The following ANK1 variants were observed in gnomAD, a reference collection of about 807,000 sequenced individuals.
ANK1 encodes ankyrin-1.
ANK1 carries 51 observed loss-of-function variants against 210.4 expected under a neutral mutation model. The observed-to-expected ratio is 0.24, with a 90% CI of 0.19 to 0.31. The LOEUF (loss-of-function observed/expected upper bound fraction) is 0.31. ANK1 is among the 10% of genes least tolerant of loss of function. ANK1 has a pLI of 1.00. For synonymous variants in ANK1, 967 were observed against 1,025.9 expected (o/e 0.94, Z 1.10); for missense variants, 2,051 against 2,504.4 (o/e 0.82, Z 3.86).
intron 6 of ANK1, among the ~76,000 whole-genome samples, chr8:41,725,055 TCTCA>T (rs1830325518): frequency 6.6e-6 from 1 of 152,138 alleles, no homozygotes; most frequent in African/African-American, 2.4e-5. Flanking sequence ...AGAGGCAGGG[TCTCA>T]CTATGTTGTC....
Position 41,693,093 on chromosome 8 carries a change from G to C in ANK1, c.3629+12C>G. On this transcript the variant is annotated intron_variant, in intron 30 of 42. Coordinates refer to ENST00000289734, the MANE Select transcript of ANK1 (RefSeq NM_000037.4). ...GCCCACACAATACTGGGCTGGGCTGGCCTCGTCTCACCTGGCAGAGACATT... is the reference window on the plus strand; with the variant it reads ...GCCCACACAATACTGGGCTGGGCTGCCCTCGTCTCACCTGGCAGAGACATT... The C allele has an allele frequency of 6.3e-7, 1 of 1,597,664 alleles. No individual in the cohort carries two copies. Among genetic ancestry groups the C allele is most frequent in the Non-Finnish European group, 8.6e-7 (1 of 1,165,090 alleles).
Position 41,718,058 on chromosome 8 carries a change from G to C in ANK1, c.1206+48C>G, listed in dbSNP as rs374124828. On this transcript the variant is annotated intron_variant, in intron 11 of 42. Transcript: ENST00000289734. ...GAGCGACTCTTGGAGAAGGTGGGTC[G>C]GGGGAGACCACAGGCCTGCCCCCAG... 4 of 1,574,320 alleles carry C rather than the reference G, an allele frequency of 2.5e-6. 1 individual carries two copies. In the South Asian group the frequency reaches 3.3e-5, roughly 13 times the overall value.
At chr8:41,724,630 AAAC>A in intron 6 of ANK1, 76 bp from the exon 7 acceptor site, 1 of 1,379,744 alleles carries the variant, frequency 7.2e-7, no homozygotes, top group Non-Finnish European at 1.0e-6. Flanking sequence ...GGGATGCAGG[AAAC>A]TCAGGTGGGG....
At chr8:41,840,259 G>T (rs1808622298) in intron 1 of ANK1, 1 of 152,016 alleles carries the variant, frequency 6.6e-6, no homozygotes, top group Admixed American at 6.5e-5. Context: ...GCATCTGATT[G>T]ACATAGCGCA....
In ANK1 at chr8:41,654,105, CGTCCACA is replaced by C. The variant is rs1245184982; in HGVS notation, c.*1678_*1684del. 2.0e-5 allele frequency: 3 copies of C among 152,510 alleles called. No individual in the cohort carries two copies. Among genetic ancestry groups the C allele is most frequent in the Admixed American group, 1.3e-4 (2 of 15,286 alleles). The allele number at this position is 152,510 out of a possible 1,614,324, so 9.4% of individuals were successfully genotyped here. On this transcript the variant is annotated 3_prime_UTR_variant, in exon 43 of 43. Coordinates refer to ENST00000289734, the MANE Select transcript of ANK1 (RefSeq NM_000037.4). ...AGCGGCGGGGCGGACGGGGCCGGGC[CGTCCACA>C]CCGCGGCTCCAGGGGCGAGAGGAGC...
intron 1 of ANK1, among the ~76,000 whole-genome samples, chr8:41,887,355 A>T (rs1818648769): frequency 6.7e-6 from 1 of 148,468 alleles, no homozygotes; most frequent in Non-Finnish European, 1.5e-5. Context: ...GGCTCAAGTG[A>T]ATCTCCTGCC....
chr8:41,665,081 G>T (rs1039445398), intron 39 of ANK1: 5 of 1,592,934 alleles, frequency 3.1e-6, no homozygotes, highest in Non-Finnish European at 3.4e-6. Flanking sequence ...ACCACGGGGG[G>T]CCTGCCTCTC....
At chr8:41,747,937 T>C (rs1449342323) in intron 2 of ANK1, among the ~76,000 whole-genome samples, 1 of 152,156 alleles carries the variant, frequency 6.6e-6, no homozygotes, top group East Asian at 1.9e-4. Context: ...CCCAGAGCAA[T>C]AACAGGCTTG....
chr8:41,719,232 G>T (rs973355716), intron 10 of ANK1, among the ~76,000 whole-genome samples: 8 of 152,276 alleles, frequency 5.3e-5, no homozygotes, highest in Non-Finnish European at 1.0e-4. Context: ...AGAACTACAA[G>T]CCCCTCTGTG....
At chr8:41,775,043 G>C (rs1211529512) in intron 1 of ANK1, among the ~76,000 whole-genome samples, 1 of 148,620 alleles carries the variant, frequency 6.7e-6, no homozygotes, top group Non-Finnish European at 1.5e-5. Flanking sequence ...GGTGCTAATA[G>C]GGAAAATAGG....
At position 41,717,709 on chromosome 8, in the gene ANK1, C is replaced by G. The variant is rs1457393579; in HGVS notation, c.1207-7G>C. ...GGAGAGGTGTCAGGCCAGACTGAAACAGACAAAGGCAGAGTCCGATAAGTG... is the reference window on the plus strand; with the variant it reads ...GGAGAGGTGTCAGGCCAGACTGAAAGAGACAAAGGCAGAGTCCGATAAGTG... On this transcript the variant is annotated splice_polypyrimidine_tract_variant and splice_region_variant and intron_variant, in intron 11 of 42. Coordinates refer to ENST00000289734, the MANE Select transcript of ANK1 (RefSeq NM_000037.4). 2.6e-6 allele frequency: 4 copies of G among 1,549,088 alleles called. No individual in the cohort carries two copies. In the South Asian group the frequency reaches 4.8e-5, roughly 18 times the overall value.
At chr8:41,676,690 TAGA>T (rs1814266871) in intron 37 of ANK1, among the ~76,000 whole-genome samples, 1 of 152,232 alleles carries the variant, frequency 6.6e-6, no homozygotes, top group Non-Finnish European at 1.5e-5. Context: ...TGTTTTCTTC[TAGA>T]AGTTTTATAG....
At chr8:41,753,997 T>C (rs1009224634) in intron 2 of ANK1, among the ~76,000 whole-genome samples, 1 of 152,244 alleles carries the variant, frequency 6.6e-6, no homozygotes. Flanking sequence ...GGTAGCCTTC[T>C]CTGACCTCTG....
intron 1 of ANK1, among the ~76,000 whole-genome samples, chr8:41,836,759 A>T (rs998500095): frequency 5.9e-5 from 9 of 152,136 alleles, no homozygotes; most frequent in East Asian, 3.9e-4. Flanking sequence ...TAAAAAAAAA[A>T]TTTTGTTTTA....
At chr8:41,816,684 C>T (rs1013224121) in intron 1 of ANK1, among the ~76,000 whole-genome samples, 4 of 152,272 alleles carry the variant, frequency 2.6e-5, no homozygotes, top group South Asian at 4.1e-4. Flanking sequence ...CCCACCTAAG[C>T]GTCCCAAAGT....
intron 1 of ANK1, among the ~76,000 whole-genome samples, chr8:41,869,187 T>C (rs1157320598): frequency 6.7e-6 from 1 of 149,326 alleles, no homozygotes; most frequent in Non-Finnish European, 1.5e-5. Context: ...TAAAACTGCG[T>C]GGTTGGACCC....
chr8:41,817,093 CT>C (rs986442730), intron 1 of ANK1, among the ~76,000 whole-genome samples: 1,457 of 144,380 alleles, frequency 0.01, 21 homozygotes, highest in African/African-American at 0.033. Context: ...CAAATAGTTT[CT>C]TTTTTTTTTT....
chr8:41,764,691 G>A (rs554451690), intron 1 of ANK1, among the ~76,000 whole-genome samples: 6 of 152,148 alleles, frequency 3.9e-5, no homozygotes, highest in Non-Finnish European at 5.9e-5. Flanking sequence ...CTCTAGCTTC[G>A]TTTTAATCTA....
intron 1 of ANK1, among the ~76,000 whole-genome samples, chr8:41,859,336 G>GTGTTTGTT (rs368482975): frequency 3.3e-5 from 5 of 151,898 alleles, no homozygotes; most frequent in African/African-American, 1.2e-4. Context: ...TTGTTTGTTT[G>GTGTTTGTT]TGTTTGTTTG....
Sources: gnomAD v4.1 joint callset for allele counts (sites outside exome capture counted in the v4.1 genomes callset) on GRCh38, gnomAD v4.1.1 for gene constraint, MANE v1.5 for transcripts, NCBI Gene and HGNC (gene_info 2026-07-23, HGNC 2026-07-21) for gene names.